Variants in NCOR2 observed in about 807,000 individuals in gnomAD.
NCOR2 encodes CTG repeat protein 26.
A neutral mutation model predicts 262.9 loss-of-function variants in NCOR2; 81 were observed. The observed-to-expected ratio is 0.31, with a 90% CI of 0.26 to 0.37. The LOEUF is 0.37. Ranked by LOEUF, NCOR2 falls within the 10% of genes least tolerant of loss-of-function variation. The pLI, the probability that NCOR2 is intolerant of heterozygous loss-of-function variation, is 1.00. For missense variants in NCOR2, 3,385 were observed against 3,621.4 expected (o/e 0.93, Z 1.68); for synonymous variants, 1,659 against 1,559.3 (o/e 1.06, Z -1.51).
At chr12:124,359,883 C>T (rs986246720) in intron 22 of NCOR2, among the ~76,000 whole-genome samples, 7 of 152,236 alleles carry the variant, frequency 4.6e-5, no homozygotes, top group Non-Finnish European at 1.5e-5. Context: ...CGCTGGGTGT[C>T]AAGTTCATGT....
At chr12:124,514,140 G>A (rs896592417) in intron 1 of NCOR2, 6 of 152,246 alleles carry the variant, frequency 3.9e-5, no homozygotes, top group African/African-American at 1.4e-4. Flanking sequence ...ACCACGGGAT[G>A]ATGTCAGAGC....
chr12:124,420,068 G>T lies in NCOR2; in HGVS notation c.1384-13C>A, dbSNP rs2136293638. 1 of 1,604,752 alleles carries T rather than the reference G, an allele frequency of 6.2e-7. No individual in the cohort carries two copies. Among genetic ancestry groups the T allele is most frequent in the Non-Finnish European group, 8.5e-7 (1 of 1,173,692 alleles). ...ACTCAGCCACTGTCTGTGGGACAGAGAAAGAGGACGCTGAGCAGGGTACAG... is the reference window on the plus strand; with the variant it reads ...ACTCAGCCACTGTCTGTGGGACAGATAAAGAGGACGCTGAGCAGGGTACAG... On this transcript the variant is annotated splice_polypyrimidine_tract_variant and intron_variant, in intron 12 of 46. Coordinates refer to ENST00000405201, the Ensembl canonical transcript of NCOR2.
chr12:124,492,723 G>C (rs1229139329), intron 1 of NCOR2, among the ~76,000 whole-genome samples: 1 of 152,158 alleles, frequency 6.6e-6, no homozygotes, highest in Non-Finnish European at 1.5e-5. Context: ...AGGACAGGAA[G>C]GGTTTGAGGG....
At chr12:124,433,873 C>CACACACACACAA (rs1555222673) in intron 8 of NCOR2, among the ~76,000 whole-genome samples, 12 of 96,348 alleles carry the variant, frequency 1.2e-4, no homozygotes, top group South Asian at 7.3e-4. Flanking sequence ...CACACACACA[C>CACACACACACAA]ACACACACAC....
At chr12:124,559,045 C>T (rs568887190) in intron 1 of NCOR2, among the ~76,000 whole-genome samples, 27 of 152,322 alleles carry the variant, frequency 1.8e-4, no homozygotes, top group Middle Eastern at 3.4e-3. Context: ...CCAGAAAAGA[C>T]TGACCCCCAG....
chr12:124,495,697 C>T (rs1593823293), upstream of NCOR2, among the ~76,000 whole-genome samples: 1 of 152,204 alleles, frequency 6.6e-6, no homozygotes, highest in South Asian at 2.1e-4. The surrounding 1 kb of genome is among the most constrained non-coding windows in gnomAD (Gnocchi z 4.4). Context: ...GCCCATCCAA[C>T]TTCACTCCAT....
At chr12:124,410,508 T>G (rs549300844) in intron 13 of NCOR2, among the ~76,000 whole-genome samples, 10 of 152,070 alleles carry the variant, frequency 6.6e-5, no homozygotes, top group African/African-American at 2.4e-4. Context: ...CCAGCCCAGC[T>G]GGCCCTGACT....
rs901059622 is a variant in NCOR2, at chr12:124,503,717, C to T, written c.-117-8349G>A. Among the ~76,000 whole-genome samples the T allele has an allele frequency of 2.5e-4, 33 of 133,386 alleles. No individual in the cohort carries two copies. Among genetic ancestry groups the T allele is most frequent in the Non-Finnish European group, 3.5e-4 (22 of 63,134 alleles). 87.5% of individuals were successfully genotyped at this position (133,386 alleles called of 152,430 possible). A position where few individuals can be genotyped will look rare whatever the true frequency, so the allele number is the denominator to read the frequency against. ...ATGGATGGATGGATGGATGGACAGACGAATGGATGGATGGATGGACGGATG... is the reference window on the plus strand; with the variant it reads ...ATGGATGGATGGATGGATGGACAGATGAATGGATGGATGGATGGACGGATG... On this transcript the variant is annotated intron_variant, in intron 1 of 46. Transcript: ENST00000404621. This position sits in a 1 kb window ranked among gnomAD's most constrained non-coding sequence, Gnocchi z 4.3.
At chr12:124,474,376 T>G (rs1017701866) in intron 3 of NCOR2, among the ~76,000 whole-genome samples, 6 of 152,022 alleles carry the variant, frequency 3.9e-5, no homozygotes, top group Non-Finnish European at 7.4e-5. Flanking sequence ...TTATTTTTTC[T>G]GATCTTCTTT....
At chr12:124,492,574 C>T (rs918718699) in intron 1 of NCOR2, among the ~76,000 whole-genome samples, 3 of 152,152 alleles carry the variant, frequency 2.0e-5, no homozygotes, top group Non-Finnish European at 2.9e-5. Context: ...AGAATGGCCT[C>T]GGCTACTGTA....
chr12:124,421,415 C>T (rs931472059), intron 12 of NCOR2, among the ~76,000 whole-genome samples: 4 of 152,264 alleles, frequency 2.6e-5, no homozygotes. Flanking sequence ...CCGTGCCGTC[C>T]ACTCCCTGAG....
At chr12:124,390,503 C>T (rs1211836441) in intron 16 of NCOR2, among the ~76,000 whole-genome samples, 1 of 151,518 alleles carries the variant, frequency 6.6e-6, no homozygotes, top group East Asian at 2.0e-4. Flanking sequence ...CCTGCCATCC[C>T]AGGGTTTGAT....
rs146427436 is a variant in NCOR2, at chr12:124,458,603, G to A, written c.706-1441C>T. On this transcript the variant is annotated intron_variant, in intron 5 of 46. Coordinates refer to ENST00000405201, the Ensembl canonical transcript of NCOR2. ...GCCATGAGCCAAGCGTCGGGCATAC[G>A]GTGTGTTCTTAACATGTCAATTGCG... 2.2e-3 allele frequency among the ~76,000 whole-genome samples: 328 copies of A among 152,334 alleles called. 2 individuals carry two copies. The highest frequency in any genetic ancestry group is 7.6e-3 in the African/African-American group (316 of 41,564).
At chr12:124,380,048 C>T (rs1218829461) in intron 17 of NCOR2, among the ~76,000 whole-genome samples, 4 of 152,214 alleles carry the variant, frequency 2.6e-5, no homozygotes, top group Admixed American at 1.3e-4. Flanking sequence ...TTGAAGCCAC[C>T]GGTCTGTGGT....
exon 22 of NCOR2, chr12:124,362,137 G>A: frequency 7.7e-7 from 1 of 1,301,232 alleles, no homozygotes; most frequent in Non-Finnish European, 9.8e-7. Context: ...CTCCTTGTCG[G>A]CGGGGGGTGC....
Position 124,335,549 on chromosome 12 carries a change from G to GC in NCOR2, c.6198dup (p.Leu2067AlafsTer42). 1 of 1,609,392 alleles carries GC rather than the reference G, an allele frequency of 6.2e-7. No homozygotes were observed. The highest frequency in any genetic ancestry group is 1.3e-5 in the African/African-American group (1 of 75,044). On this transcript the variant is annotated frameshift_variant, in exon 39 of 47. Coordinates refer to ENST00000405201, the Ensembl canonical transcript of NCOR2. LOFTEE classifies it high-confidence loss of function. ...TCGAGCTCTTCCAGGTGCTTGGGGA[G>GC]CCCCTTGTCGTGGGTCAGACTGGGT...
chr12:124,372,723 GCC>G, intron 19 of NCOR2, 113 bp from the exon 22 acceptor site: 1 of 948,912 alleles, frequency 1.1e-6, no homozygotes, highest in Non-Finnish European at 1.6e-6. Flanking sequence ...TGCCAAAACA[GCC>G]CCGAGGCTCC....
intron 24 of NCOR2, chr12:124,355,201 C>G (rs2037854806): frequency 3.2e-6 from 2 of 623,504 alleles, no homozygotes; most frequent in Non-Finnish European, 5.5e-6. Flanking sequence ...TGCCTGAGGC[C>G]ACACAGCCTG....
At chr12:124,486,231 C>T (rs1191009685) in intron 2 of NCOR2, 8 of 623,838 alleles carry the variant, frequency 1.3e-5, no homozygotes, top group South Asian at 8.7e-5. Flanking sequence ...TGAAGTTCCA[C>T]GCTGGAAGTC....
Sources: allele counts gnomAD v4.1 joint callset (sites outside exome capture counted in the v4.1 genomes callset), GRCh38; gene constraint gnomAD v4.1.1; non-coding constraint Gnocchi (gnomAD v3.1); transcripts MANE v1.5; gene names NCBI Gene and HGNC (gene_info 2026-07-23, HGNC 2026-07-21).